Variants in DDX42 observed in about 807,000 individuals in gnomAD.
The protein encoded by DDX42 is DEAD-box helicase 42, also known as ATP-dependent RNA helicase DDX42.
A neutral mutation model predicts 101.5 loss-of-function variants in DDX42; 22 were observed. The observed-to-expected ratio is 0.22, with a 90% CI of 0.15 to 0.31. The LOEUF is 0.31. Among genes scored for constraint, DDX42 ranks in the 10% least tolerant of loss-of-function variants. The pLI is 1.00. For synonymous variants in DDX42, 402 were observed against 401.2 expected, an observed-to-expected ratio of 1.00 and a Z score of -0.02; for missense variants, 849 against 1,199.9, an observed-to-expected ratio of 0.71 and a Z score of 4.32.
chr17:63,778,810 T>C (rs1459301268), intron 1 of DDX42, among the ~76,000 whole-genome samples: 1 of 152,088 alleles, frequency 6.6e-6, no homozygotes, highest in Admixed American at 6.6e-5. Context: ...CTGGCTAATT[T>C]TTGTATTTTT....
intron 3 of DDX42, among the ~76,000 whole-genome samples, chr17:63,795,526 A>G (rs1223073332): frequency 2.0e-5 from 3 of 152,134 alleles, no homozygotes; most frequent in Admixed American, 2.0e-4. Context: ...TAATTTTTAG[A>G]AAATATTTTT....
At position 63,813,351 on chromosome 17, in the gene DDX42, C is replaced by T. The variant is rs1167214944; in HGVS notation, c.1799C>T (p.Thr600Ile). The T allele has an allele frequency of 6.2e-7, 1 of 1,614,024 alleles. No individual in the cohort carries two copies. The highest frequency in any genetic ancestry group is 1.3e-5 in the African/African-American group (1 of 74,894). Residue 600 changes from threonine to isoleucine, a missense_variant, in exon 15 of 18, where the codon ACC becomes ATC. By Grantham distance (89) the Thr-to-Ile change is moderately conservative. Transcript: ENST00000389924. ...GRAGEKGVAY[T>I]LLTPKDSNFA... ...GCGGGTGAGAAAGGTGTGGCCTATA[C>T]CCTACTCACTCCCAAGGACAGCAAT...
chr17:63,805,329 C>T (rs938299498), intron 7 of DDX42, 154 bp downstream of exon 7: 22 of 904,606 alleles, frequency 2.4e-5, no homozygotes, highest in Non-Finnish European at 3.5e-5. Flanking sequence ...CTGTTCATGT[C>T]TCTTAATTTG....
At chr17:63,802,485 C>T (rs576655689) in intron 6 of DDX42, among the ~76,000 whole-genome samples, 14 of 152,306 alleles carry the variant, frequency 9.2e-5, no homozygotes, top group East Asian at 7.7e-4. Flanking sequence ...TTCAAGCTTT[C>T]GGCCAGACGC....
At chr17:63,805,780 A>G (rs886656298) in intron 7 of DDX42, 5 of 152,326 alleles carry the variant, frequency 3.3e-5, no homozygotes, top group African/African-American at 9.7e-5. Context: ...TTGCTACACG[A>G]TGTTTAAACT....
intron 3 of DDX42, 73 bp downstream of exon 3, chr17:63,792,635 T>C (rs867113027): frequency 3.6e-5 from 52 of 1,446,036 alleles, no homozygotes; most frequent in Middle Eastern, 1.8e-4. Context: ...ACTTCAAATC[T>C]TATTCAAAAT....
intron 17 of DDX42, 134 bp from the exon 18 acceptor site, chr17:63,817,560 G>A: frequency 1.3e-6 from 1 of 798,538 alleles, no homozygotes; most frequent in Non-Finnish European, 2.0e-6. Context: ...CCATACTGTG[G>A]GGCCATCAGG....
chr17:63,810,650 T>G, intron 12 of DDX42, 90 bp downstream of exon 12: 1 of 1,293,108 alleles, frequency 7.7e-7, no homozygotes. Flanking sequence ...GAAGTAAAAA[T>G]GATCTTGTGT....
intron 4 of DDX42, 185 bp downstream of exon 4, chr17:63,798,284 T>G: frequency 2.0e-6 from 1 of 506,056 alleles, no homozygotes. Context: ...TTGCAATAAT[T>G]AAAAAGCATT....
Position 63,792,486 on chromosome 17 carries a change from G to T in DDX42, c.296G>T (p.Arg99Leu), listed in dbSNP as rs1318406002. Residue 99 changes from arginine (R) to leucine (L), a missense_variant, in exon 3 of 18, where the codon CGC becomes CTC. Around this residue, in one of 5 missense-constraint regions of DDX42, gnomAD observed 370 missense variants for 608.8 expected, o/e 0.61. Coordinates refer to ENST00000389924, the MANE Select transcript of DDX42 (RefSeq NM_203499.3). ...ATTCCTGCTGAAAACTCACCAACTC[G>T]CCAGCAATTCCATTCCAAGCCAGTA... Reference protein sequence around the residue: ...PYIPAENSPTRQQFHSKPVDS... With the variant: ...PYIPAENSPTLQQFHSKPVDS... 1 of 1,613,700 alleles carries T rather than the reference G, an allele frequency of 6.2e-7. No individual in the cohort carries two copies. The highest frequency in any genetic ancestry group is 8.5e-7 in the Non-Finnish European group (1 of 1,179,896).
rs148412819 is a variant in DDX42 at position 63,806,719 on chromosome 17, A to C, written c.846+65A>C. 6.6e-6 allele frequency: 10 copies of C among 1,507,282 alleles called. No individual in the cohort carries two copies. In the East Asian group the frequency reaches 2.2e-4, roughly 33 times the overall value. 93.4% of individuals were successfully genotyped at this position (1,507,282 alleles called of 1,614,324 possible). ...TCTTTCATGACTATATTAATTTAAA[A>C]ACAAATCACAGCAGTAAAACAGTGT... On this transcript the variant is annotated intron_variant, in intron 8 of 17. Coordinates refer to ENST00000389924, the MANE Select transcript of DDX42 (RefSeq NM_203499.3).
chr17:63,780,270 T>C (rs999198946), intron 1 of DDX42, among the ~76,000 whole-genome samples: 4 of 150,138 alleles, frequency 2.7e-5, no homozygotes, highest in Non-Finnish European at 5.9e-5. Flanking sequence ...CACTCCAGCC[T>C]GGGCAACAAG....
rs146500805 is a variant in DDX42, at chr17:63,818,044, C to T, written c.2463C>T (p.His821=). The part of the protein sequence containing the change: ...TENRGSSRHS[H]GETGNRHSDS... ...ACCGGGGCAGCAGCCGTCACAGTCA[C>T]GGAGAGACTGGCAATCGGCATAGCG... is the stretch of plus-strand genomic sequence containing the variant. Residue 821 remains histidine, a synonymous_variant, in exon 18 of 18, where the codon CAC becomes CAT. Transcript: ENST00000389924. The T allele has an allele frequency of 1.8e-5, 29 of 1,613,976 alleles. No homozygotes were observed. Among genetic ancestry groups the T allele is most frequent in the Middle Eastern group, 1.6e-4 (1 of 6,062 alleles).
chr17:63,816,579 C>A (rs937788130), intron 16 of DDX42: 5 of 231,750 alleles, frequency 2.2e-5, no homozygotes, highest in Non-Finnish European at 3.3e-5. Flanking sequence ...GTAATTTTTA[C>A]TTAATTAATT....
chr17:63,784,864 A>G (rs747747641), intron 1 of DDX42, among the ~76,000 whole-genome samples: 3 of 152,204 alleles, frequency 2.0e-5, no homozygotes, highest in Non-Finnish European at 4.4e-5. Flanking sequence ...GAAGGTATGC[A>G]CAAAGATGTA....
chr17:63,808,900 G>A lies in DDX42; in HGVS notation c.1104G>A (p.Glu368=). 2 of 1,614,064 alleles carry A rather than the reference G, an allele frequency of 1.2e-6. No individual in the cohort carries two copies. The highest frequency in any genetic ancestry group is 1.7e-6 in the Non-Finnish European group (2 of 1,179,958). ...TATATGGAGGAGGGAGTATGTGGGA[G>A]CAGGCCAAGGCCCTTCAGGAGGGGG... ...VAVYGGGSMW[E]QAKALQEGAE... is the part of the protein sequence containing the mutation. Residue 368 remains glutamate, a synonymous_variant, in exon 10 of 18, where the codon GAG becomes GAA. Coordinates refer to ENST00000389924, the MANE Select transcript of DDX42 (RefSeq NM_203499.3).
At chr17:63,800,950 C>A (rs9674446) in intron 6 of DDX42, among the ~76,000 whole-genome samples, 1 of 42,900 alleles carries the variant, frequency 2.3e-5, no homozygotes, top group Admixed American at 2.1e-4. Flanking sequence ...TTCCTTCCTT[C>A]CTTTCTTTCT....
At chr17:63,810,795 A>G (rs1176756495) in intron 12 of DDX42, among the ~76,000 whole-genome samples, 1 of 152,244 alleles carries the variant, frequency 6.6e-6, no homozygotes, top group Non-Finnish European at 1.5e-5. Flanking sequence ...GCCCTAAATT[A>G]TACAGTTTTA....
intron 15 of DDX42, among the ~76,000 whole-genome samples, chr17:63,813,735 A>G (rs550100791): frequency 2.6e-4 from 39 of 152,324 alleles, no homozygotes; most frequent in East Asian, 3.9e-4. Flanking sequence ...TTTAATCTCA[A>G]AGATGGTTAC....
Sources: allele counts gnomAD v4.1 joint callset (sites outside exome capture counted in the v4.1 genomes callset), GRCh38; gene constraint gnomAD v4.1.1; regional missense constraint gnomAD v4.1.1; transcripts MANE v1.5; gene names NCBI Gene and HGNC (gene_info 2026-07-23, HGNC 2026-07-21).